The following PRKCB variants were observed in gnomAD, a reference collection of about 807,000 sequenced individuals.
The protein encoded by PRKCB is protein kinase C beta type.
PRKCB carries 13 observed loss-of-function variants against 81.5 expected under a neutral mutation model. The ratio of observed to expected loss-of-function variants is 0.16; its 90% CI spans 0.10 to 0.25. PRKCB has a LOEUF of 0.25. Among genes scored for constraint, PRKCB ranks in the 10% least tolerant of loss-of-function variants. PRKCB has a pLI of 1.00. For synonymous variants in PRKCB, 335 were observed against 321.4 expected (o/e 1.04, Z -0.45); for missense variants, 509 against 875.7 (o/e 0.58, Z 5.29).
chr16:24,030,686 C>G (rs1965539162), intron 3 of PRKCB, among the ~76,000 whole-genome samples: 4 of 144,130 alleles, frequency 2.8e-5, no homozygotes, highest in Admixed American at 1.5e-4. Flanking sequence ...TGAGACTAGC[C>G]TGGGCAACAT....
intron 10 of PRKCB, among the ~76,000 whole-genome samples, chr16:24,170,074 G>A (rs2141964561): frequency 6.6e-6 from 1 of 152,268 alleles, no homozygotes; most frequent in Non-Finnish European, 1.5e-5. Flanking sequence ...GAGCCGCTGT[G>A]CCCGGCTATC....
At chr16:24,122,949 G>A (rs198184) in intron 8 of PRKCB, among the ~76,000 whole-genome samples, 86,356 of 152,022 alleles carry the variant, frequency 0.57, 24,969 homozygotes, top group East Asian at 0.77. Flanking sequence ...GAGGACACAC[G>A]TGGCCCTCAC....
chr16:24,136,011 T>C (rs1966863395), intron 9 of PRKCB, among the ~76,000 whole-genome samples: 1 of 152,132 alleles, frequency 6.6e-6, no homozygotes, highest in Non-Finnish European at 1.5e-5. Context: ...GCCTTCTCTT[T>C]GGTTCTATCG....
In PRKCB at chr16:24,217,981, A is replaced by G. The variant is rs1295017003; in HGVS notation, c.*3165A>G. 2 of 985,222 alleles carry G rather than the reference A, an allele frequency of 2.0e-6. No homozygotes were observed. The highest frequency in any genetic ancestry group is 1.7e-5 in the African/African-American group (1 of 57,212). The allele number at this position is 985,222 out of a possible 1,614,324, so 61.0% of individuals were successfully genotyped here. On this transcript the variant is annotated 3_prime_UTR_variant, in exon 17 of 17. Transcript: ENST00000643927. ...GAGTAAAGTTTCTGGCTCGGGGACA[A>G]TTATAAGTTGCAAAAAGGATAGAGG...
intron 2 of PRKCB, among the ~76,000 whole-genome samples, chr16:23,842,855 G>A (rs1207219695): frequency 1.3e-5 from 2 of 152,134 alleles, no homozygotes; most frequent in East Asian, 3.9e-4. Flanking sequence ...AGAAAAGTTT[G>A]CACTTTTTTA....
intron 3 of PRKCB, among the ~76,000 whole-genome samples, chr16:24,013,653 TC>T (rs1965235657): frequency 6.6e-6 from 1 of 152,120 alleles, no homozygotes; most frequent in South Asian, 2.1e-4. Flanking sequence ...GGGGTTGGCA[TC>T]CGTTGTTTGA....
At chr16:24,021,131 TTCCTTCCTTCC>T (rs1965380576) in intron 3 of PRKCB, among the ~76,000 whole-genome samples, 1 of 144,880 alleles carries the variant, frequency 6.9e-6, no homozygotes. Flanking sequence ...CTTTCTTTCC[TTCCTTCCTTCC>T]TTCTTTCTTT....
intron 2 of PRKCB, among the ~76,000 whole-genome samples, chr16:23,882,385 A>T (rs1963138490): frequency 6.7e-6 from 1 of 149,638 alleles, no homozygotes; most frequent in Admixed American, 6.7e-5. Flanking sequence ...TGCCCAGTTA[A>T]TTTTTTTTCT....
At chr16:24,205,119 C>CA (rs904774600) in intron 16 of PRKCB, among the ~76,000 whole-genome samples, 23 of 127,662 alleles carry the variant, frequency 1.8e-4, no homozygotes, top group East Asian at 1.6e-3. Flanking sequence ...GACTTCATCT[C>CA]AAAAAAAAAA....
At chr16:23,906,608 A>G (rs1963565490) in intron 2 of PRKCB, among the ~76,000 whole-genome samples, 1 of 152,086 alleles carries the variant, frequency 6.6e-6, no homozygotes, top group Non-Finnish European at 1.5e-5. Context: ...TTATAGAGGA[A>G]TTCTCCCATA....
intron 2 of PRKCB, among the ~76,000 whole-genome samples, chr16:23,987,845 T>C (rs1331174645): frequency 6.6e-6 from 1 of 152,204 alleles, no homozygotes. Flanking sequence ...CATTCTTTCA[T>C]TGTACCTCCC....
At chr16:24,179,422 T>G (rs1404594588) in intron 12 of PRKCB, among the ~76,000 whole-genome samples, 2 of 152,216 alleles carry the variant, frequency 1.3e-5, no homozygotes, top group Non-Finnish European at 2.9e-5. Flanking sequence ...GGGAAAGATC[T>G]GAATTAAGGA....
At chr16:24,212,479 T>C (rs1184051727) in intron 16 of PRKCB, among the ~76,000 whole-genome samples, 1 of 143,664 alleles carries the variant, frequency 7.0e-6, no homozygotes, top group African/African-American at 2.6e-5. Context: ...TTTTTTTTTT[T>C]TTTTTTTTCC....
chr16:23,850,837 C>A (rs1200967144), intron 2 of PRKCB, among the ~76,000 whole-genome samples: 1 of 152,132 alleles, frequency 6.6e-6, no homozygotes, highest in Non-Finnish European at 1.5e-5. Flanking sequence ...GGTGATATCT[C>A]ACTGTGGTTT....
chr16:23,942,099 C>T (rs1169509122), intron 2 of PRKCB, among the ~76,000 whole-genome samples: 1 of 152,204 alleles, frequency 6.6e-6, no homozygotes, highest in Non-Finnish European at 1.5e-5. Context: ...TAGAGAGCAT[C>T]TCTAACTTGG....
intron 12 of PRKCB, among the ~76,000 whole-genome samples, chr16:24,176,089 G>GTCAGAGGCTT (rs1458429565): frequency 5.3e-5 from 8 of 151,864 alleles, no homozygotes; most frequent in African/African-American, 1.5e-4. Flanking sequence ...TGGGGACCTT[G>GTCAGAGGCTT]TCAGAGGCTT....
At chr16:23,897,065 C>A (rs1023828872) in intron 2 of PRKCB, among the ~76,000 whole-genome samples, 4 of 152,210 alleles carry the variant, frequency 2.6e-5, no homozygotes, top group African/African-American at 9.6e-5. Flanking sequence ...GTGTGCCAGA[C>A]CCTGTGCCAG....
Position 24,062,692 on chromosome 16 carries a change from A to T in PRKCB, c.529+27145A>T, listed in dbSNP as rs553661687. Among the ~76,000 whole-genome samples the T allele has an allele frequency of 1.7e-3, 262 of 151,882 alleles. 1 individual carries two copies. Among genetic ancestry groups the T allele is most frequent in the Non-Finnish European group, 3.2e-3 (219 of 67,988 alleles). ...AGTTCACCCTGTGCAGCCACATTTG[A>T]TCTCCCCTTGCTTCATTCCCTCCAG... On this transcript the variant is annotated intron_variant, in intron 5 of 16. Coordinates refer to ENST00000643927, the MANE Select transcript of PRKCB (RefSeq NM_002738.7).
At chr16:24,172,950 A>G (rs1476749938) in intron 11 of PRKCB, among the ~76,000 whole-genome samples, 1 of 152,170 alleles carries the variant, frequency 6.6e-6, no homozygotes, top group Non-Finnish European at 1.5e-5. Flanking sequence ...TAACTCTGGG[A>G]GGGAGATGCT....
Sources: allele counts gnomAD v4.1 joint callset (sites outside exome capture counted in the v4.1 genomes callset), GRCh38; gene constraint gnomAD v4.1.1; transcripts MANE v1.5; gene names NCBI Gene and HGNC (gene_info 2026-07-23, HGNC 2026-07-21).